Variants in CHD9 observed in about 807,000 individuals in gnomAD.
The protein encoded by CHD9 is chromodomain helicase DNA binding protein 9.
In CHD9, 77 loss-of-function variants were observed where a neutral mutation model predicts 316.1. The observed-to-expected ratio is 0.24, with a 90% confidence interval of 0.20 to 0.29. The LOEUF is 0.29. CHD9 is among the 10% of genes least tolerant of loss of function. CHD9 has a pLI of 1.00. For missense variants in CHD9, 2,763 were observed against 3,438.1 expected, an observed-to-expected ratio of 0.80 and a Z score of 4.91; for synonymous variants, 1,129 against 1,158.3, an observed-to-expected ratio of 0.97 and a Z score of 0.51.
rs559984123 is a variant in CHD9, at chr16:53,090,180, ATT to A, written c.-165+35104_-165+35105del. Among the ~76,000 whole-genome samples the A allele has an allele frequency of 1.1e-3, 166 of 152,276 alleles. 1 individual carries two copies. In the Middle Eastern group the frequency reaches 0.014, roughly 12 times the overall value. On this transcript the variant is annotated intron_variant, in intron 1 of 38. Transcript: ENST00000447540. Reference sequence around the variant, plus strand: ...TCCTCTGCCTCCAGGTTCTGAACACATTGAGAAAGAAGACAAAGGAATGGCAG... The same window carrying A: ...TCCTCTGCCTCCAGGTTCTGAACACAGAGAAAGAAGACAAAGGAATGGCAG...
intron 1 of CHD9, among the ~76,000 whole-genome samples, chr16:53,129,363 A>G (rs1209605534): frequency 6.6e-6 from 1 of 151,956 alleles, no homozygotes; most frequent in African/African-American, 2.4e-5. Flanking sequence ...CCAGAGATAA[A>G]CTCTTTCTGT....
chr16:53,055,613 T>C (rs754766338), intron 1 of CHD9, among the ~76,000 whole-genome samples: 7 of 151,756 alleles, frequency 4.6e-5, no homozygotes, highest in Non-Finnish European at 8.8e-5. Context: ...ATCTAAGGAG[T>C]TGGAGAAAAA....
At chr16:53,130,486 C>A (rs113358828) in intron 1 of CHD9, among the ~76,000 whole-genome samples, 18,986 of 149,756 alleles carry the variant, frequency 0.13, 1,332 homozygotes, top group South Asian at 0.23. Context: ...GGCCGCGGGG[C>A]GGGCGGCGCG....
At position 53,238,531 on chromosome 16, in the gene CHD9, G is replaced by T. The variant is rs1267840985; in HGVS notation, c.2822G>T (p.Ser941Ile). The T allele has an allele frequency of 6.2e-7, 1 of 1,612,806 alleles. No individual in the cohort carries two copies. Among genetic ancestry groups the T allele is most frequent in the Admixed American group, 1.7e-5 (1 of 59,996 alleles). The stretch of plus-strand genomic sequence containing the variant: ...ATTAACGTTGTGGTTTATCATGGGA[G>T]CCTGATTAGCAGACAAATGATACAG... ...TDINVVVYHG[S>I]LISRQMIQQY... Residue 941 changes from serine (S) to isoleucine (I), a missense_variant, in exon 12 of 39, where the codon AGC (serine) becomes ATC (isoleucine). By Grantham distance (142) the Ser-to-Ile change is moderately radical. This residue lies in a region of CHD9 where 186 missense variants were observed against 245.0 expected (regional missense o/e 0.76). Coordinates refer to ENST00000447540, the MANE Select transcript of CHD9 (RefSeq NM_001308319.2).
At chr16:53,170,059 G>T (rs7189599) in intron 2 of CHD9, among the ~76,000 whole-genome samples, 40,695 of 138,766 alleles carry the variant, frequency 0.29, 5,698 homozygotes, top group Middle Eastern at 0.34. Flanking sequence ...GTTTTTTTTT[G>T]TTTGTTTTTT....
At chr16:53,277,929 G>A (rs778518944) in intron 24 of CHD9, among the ~76,000 whole-genome samples, 1 of 151,774 alleles carries the variant, frequency 6.6e-6, no homozygotes, top group African/African-American at 2.4e-5. Context: ...CAAAATTAAT[G>A]TACACAAATC....
chr16:53,133,505 G>A (rs2039486570), intron 1 of CHD9, among the ~76,000 whole-genome samples: 1 of 152,108 alleles, frequency 6.6e-6, no homozygotes, highest in South Asian at 2.1e-4. Context: ...ATAGAGTGCT[G>A]GCTAGAGAGA....
chr16:53,206,321 C>T (rs1011123279), intron 2 of CHD9, among the ~76,000 whole-genome samples: 1 of 150,640 alleles, frequency 6.6e-6, no homozygotes, highest in Non-Finnish European at 1.5e-5. Flanking sequence ...TGCCTCACCT[C>T]TGTCTAGTTG....
intron 24 of CHD9, among the ~76,000 whole-genome samples, chr16:53,283,511 T>C (rs1170105974): frequency 6.6e-6 from 1 of 152,172 alleles, no homozygotes; most frequent in African/African-American, 2.4e-5. Flanking sequence ...ATCACAATGT[T>C]TTGAGCTTAG....
chr16:53,257,089 C>T (rs1242496592), intron 19 of CHD9, among the ~76,000 whole-genome samples: 1 of 152,098 alleles, frequency 6.6e-6, no homozygotes, highest in Non-Finnish European at 1.5e-5. Flanking sequence ...AAGAAAAGAA[C>T]ATTCAACCTG....
chr16:53,206,140 C>T (rs2045876877), intron 2 of CHD9, among the ~76,000 whole-genome samples: 2 of 151,820 alleles, frequency 1.3e-5, no homozygotes, highest in South Asian at 2.1e-4. Context: ...TTAGTAGAGG[C>T]GATTTTTCCT....
intron 1 of CHD9, among the ~76,000 whole-genome samples, chr16:53,140,079 C>T (rs1373994261): frequency 6.6e-6 from 1 of 151,214 alleles, no homozygotes; most frequent in Non-Finnish European, 1.5e-5. Context: ...ACCTGGGCAA[C>T]AGCAAGACCC....
intron 1 of CHD9, among the ~76,000 whole-genome samples, chr16:53,107,164 G>A (rs1340388292): frequency 6.6e-6 from 1 of 152,066 alleles, no homozygotes; most frequent in Non-Finnish European, 1.5e-5. Flanking sequence ...GCCAGGCGTG[G>A]TGGCTCACAC....
chr16:53,244,812 A>G (rs960815286), intron 13 of CHD9, among the ~76,000 whole-genome samples: 1 of 152,122 alleles, frequency 6.6e-6, no homozygotes, highest in African/African-American at 2.4e-5. Context: ...GTGGGTAGAG[A>G]TGTAGTTTTT....
chr16:53,131,324 GC>G (rs2039282251), intron 1 of CHD9: 1 of 144,396 alleles, frequency 6.9e-6, no homozygotes, highest in Admixed American at 7.2e-5. Flanking sequence ...CGCCGCCGCC[GC>G]CGCCGCCGCT....
At chr16:53,110,082 TC>T (rs1230212225) in intron 1 of CHD9, among the ~76,000 whole-genome samples, 1 of 152,168 alleles carries the variant, frequency 6.6e-6, no homozygotes, top group South Asian at 2.1e-4. Context: ...AGCTATGCAC[TC>T]TCCAGTTTGT....
At chr16:53,222,341 G>A (rs144205297) in intron 3 of CHD9, among the ~76,000 whole-genome samples, 1 of 152,106 alleles carries the variant, frequency 6.6e-6, no homozygotes, top group Non-Finnish European at 1.5e-5. Context: ...CAAAGCACTG[G>A]GATTACAGGC....
intron 29 of CHD9, among the ~76,000 whole-genome samples, chr16:53,293,307 T>G (rs2054506024): frequency 6.6e-6 from 1 of 152,184 alleles, no homozygotes; most frequent in South Asian, 2.1e-4. Context: ...TTAGGAACAC[T>G]GAGGTATTTA....
intron 6 of CHD9, 37 bp downstream of exon 6, chr16:53,227,501 C>T: frequency 6.8e-7 from 1 of 1,477,172 alleles, no homozygotes; most frequent in Non-Finnish European, 9.2e-7. Flanking sequence ...ACTTCATATT[C>T]TGTGGCCTGT....
Sources: allele counts gnomAD v4.1 joint callset (sites outside exome capture counted in the v4.1 genomes callset), GRCh38; gene constraint gnomAD v4.1.1; regional missense constraint gnomAD v4.1.1; transcripts MANE v1.5; gene names NCBI Gene and HGNC (gene_info 2026-07-23, HGNC 2026-07-21).